The following NUP93 variants were observed in gnomAD, a reference collection of about 807,000 sequenced individuals.
NUP93 encodes nuclear pore complex protein Nup93.
NUP93 carries 55 observed loss-of-function variants against 107.8 expected under a neutral mutation model. The ratio of observed to expected loss-of-function variants is 0.51; its 90% CI spans 0.41 to 0.64. The LOEUF is 0.64. Among genes scored for constraint, NUP93 ranks in the 30% least tolerant of loss-of-function variants. NUP93 has a pLI of 0.00. For synonymous variants in NUP93, 390 were observed against 397.5 expected (o/e 0.98, Z 0.22); for missense variants, 937 against 1,044.7 (o/e 0.90, Z 1.42).
In NUP93 at chr16:56,759,357, G is replaced by T. The variant is rs548521318; in HGVS notation, c.297+702G>T. On this transcript the variant is annotated intron_variant, in intron 3 of 21. Coordinates refer to ENST00000308159, the MANE Select transcript of NUP93 (RefSeq NM_014669.5). ...ATCATTGATTTACCTGAAAATGAGA[G>T]GATGCCTTCTGCAGAGGCAAATTCT... Among the ~76,000 whole-genome samples the T allele has an allele frequency of 5.9e-5, 9 of 152,328 alleles. No homozygotes were observed. In the South Asian group the frequency reaches 1.9e-3, roughly 32 times the overall value.
In NUP93 at chr16:56,751,718, A is replaced by T. The variant is rs542645673; in HGVS notation, c.179+3292A>T. ...GTGAGACTTGAACCCAGGCCTCCTG[A>T]CATTTTATATGCTTCCCATGTATGC... On this transcript the variant is annotated intron_variant, in intron 2 of 21. Transcript: ENST00000308159. 7.2e-5 allele frequency among the ~76,000 whole-genome samples: 11 copies of T among 152,288 alleles called. No homozygotes were observed. The South Asian group carries it at 1.9e-3, about 26-fold the overall frequency.
intron 3 of NUP93, among the ~76,000 whole-genome samples, chr16:56,777,181 A>G (rs1368191838): frequency 6.6e-6 from 1 of 152,170 alleles, no homozygotes; most frequent in Non-Finnish European, 1.5e-5. Context: ...TCCTCTTCCC[A>G]TTTTAGCCTC....
chr16:56,805,424 T>C, intron 4 of NUP93, 80 bp from the exon 5 acceptor site: 1 of 1,539,602 alleles, frequency 6.5e-7, no homozygotes. Flanking sequence ...TCTGGAGGGC[T>C]TTAGGTTTCT....
intron 3 of NUP93, among the ~76,000 whole-genome samples, chr16:56,791,597 G>A (rs1962764210): frequency 6.6e-6 from 1 of 152,208 alleles, no homozygotes; most frequent in Admixed American, 6.5e-5. Flanking sequence ...CTGAAACCCA[G>A]AGTTTGCATG....
At chr16:56,769,828 C>T (rs1275817991) in intron 3 of NUP93, among the ~76,000 whole-genome samples, 4 of 152,178 alleles carry the variant, frequency 2.6e-5, no homozygotes, top group Non-Finnish European at 5.9e-5. Flanking sequence ...AGGTTTAATG[C>T]AAACCCATTT....
rs749545303 is a variant in NUP93, at chr16:56,818,755, G to C, written c.564+17G>C. The C allele has an allele frequency of 5.6e-6, 9 of 1,610,104 alleles. No homozygotes were observed. The highest frequency in any genetic ancestry group is 6.8e-6 in the Non-Finnish European group (8 of 1,176,672). ...GCGCGGCAAGTGAGTGTGATTTTAAGGGGGATTAAGCCAGGAAAATCCTTT... is the reference window on the plus strand; with the variant it reads ...GCGCGGCAAGTGAGTGTGATTTTAACGGGGATTAAGCCAGGAAAATCCTTT... On this transcript the variant is annotated intron_variant, in intron 6 of 21. Transcript: ENST00000308159.
chr16:56,781,442 A>G (rs1320331577), intron 3 of NUP93, among the ~76,000 whole-genome samples: 5 of 152,192 alleles, frequency 3.3e-5, no homozygotes, highest in African/African-American at 9.6e-5. Context: ...GTATCTACAC[A>G]TACTGTAGAC....
chr16:56,813,836 T>A lies in NUP93; in HGVS notation c.490-4828T>A, dbSNP rs1035163590. Among the ~76,000 whole-genome samples the A allele has an allele frequency of 2.0e-5, 3 of 152,342 alleles. No homozygotes were observed. In the South Asian group the frequency reaches 6.2e-4, roughly 32 times the overall value. ...ATAGGTGTCTGTCGTTTTTTAGTAGTTCTAATAGTGTTCCAGCCTATGTGT... is the reference window on the plus strand; with the variant it reads ...ATAGGTGTCTGTCGTTTTTTAGTAGATCTAATAGTGTTCCAGCCTATGTGT... On this transcript the variant is annotated intron_variant, in intron 5 of 21. Coordinates refer to ENST00000308159, the MANE Select transcript of NUP93 (RefSeq NM_014669.5).
chr16:56,827,779 G>A (rs1963698677), intron 8 of NUP93, among the ~76,000 whole-genome samples: 1 of 152,190 alleles, frequency 6.6e-6, no homozygotes. Flanking sequence ...GAGATTGAGG[G>A]GGGAAGATTG....
At position 56,821,561 on chromosome 16, in the gene NUP93, C is replaced by G. The variant is rs146924670; in HGVS notation, c.622C>G (p.Leu208Val). 8 of 1,613,086 alleles carry G rather than the reference C, an allele frequency of 5.0e-6. No individual in the cohort carries two copies. The highest frequency in any genetic ancestry group is 5.1e-6 in the Non-Finnish European group (6 of 1,179,372). ...NGHLQPNLVD[L>V]CASVAELDDK... ...ACACCTGCAGCCTAACCTGGTGGAC[C>G]TTTGTGCTTCCGTCGCAGAGCTCGA... Residue 208 changes from leucine to valine, a missense_variant, in exon 7 of 22, where the codon CTT becomes GTT. Physicochemically the swap from Leu to Val is conservative, Grantham distance 32. Transcript: ENST00000308159.
At chr16:56,785,912 A>G (rs1306298987) in intron 3 of NUP93, among the ~76,000 whole-genome samples, 1 of 152,232 alleles carries the variant, frequency 6.6e-6, no homozygotes, top group East Asian at 1.9e-4. Flanking sequence ...TACTTCTGAA[A>G]TGCCTTGCCT....
chr16:56,835,612 T>C (rs1275369358), intron 16 of NUP93, among the ~76,000 whole-genome samples: 1 of 152,190 alleles, frequency 6.6e-6, no homozygotes, highest in Admixed American at 6.5e-5. Context: ...GATAAGACCT[T>C]ATCCTCTGCT....
Position 56,735,516 on chromosome 16 carries a change from T to G in NUP93, c.-15+5305T>G, listed in dbSNP as rs559449185. On this transcript the variant is annotated intron_variant, in intron 1 of 21. Coordinates refer to ENST00000308159, the MANE Select transcript of NUP93 (RefSeq NM_014669.5). ...ATGGATCCCTGTGAATGGGAGCCAG[T>G]GAGGTTTTTTGAGCAGGGGCAACAG... Among the ~76,000 whole-genome samples, 4 of 152,288 alleles carry G rather than the reference T, an allele frequency of 2.6e-5. No homozygotes were observed. In the Middle Eastern group the frequency reaches 0.01, roughly 388 times the overall value.
intron 3 of NUP93, among the ~76,000 whole-genome samples, chr16:56,790,333 A>G (rs1375793117): frequency 6.6e-6 from 1 of 152,208 alleles, no homozygotes; most frequent in African/African-American, 2.4e-5. Context: ...GTTCACCCAA[A>G]TCTTGAAACT....
chr16:56,748,233 G>C lies in NUP93; in HGVS notation c.-14-1G>C, dbSNP rs2144456685. The C allele has an allele frequency of 6.3e-7, 1 of 1,578,320 alleles. No homozygotes were observed. The highest frequency in any genetic ancestry group is 8.6e-7 in the Non-Finnish European group (1 of 1,157,346). ...ATCTTTTCATTTTTTCTCCCATCTA[G>C]GATCTGCATCTCCAATGGATACTGA... is the stretch of plus-strand genomic sequence containing the variant. On this transcript the variant is annotated splice_acceptor_variant, in intron 1 of 21. Coordinates refer to ENST00000308159, the MANE Select transcript of NUP93 (RefSeq NM_014669.5). LOFTEE classifies it low-confidence loss of function (5UTR_SPLICE).
intron 3 of NUP93, among the ~76,000 whole-genome samples, chr16:56,760,629 GAGGAC>G (rs1962107801): frequency 6.6e-6 from 1 of 152,138 alleles, no homozygotes; most frequent in Non-Finnish European, 1.5e-5. Context: ...TCACTGTCAT[GAGGAC>G]AGCACCAAGA....
intron 7 of NUP93, among the ~76,000 whole-genome samples, chr16:56,823,118 A>G (rs1182669939): frequency 1.3e-5 from 2 of 152,220 alleles, no homozygotes; most frequent in Non-Finnish European, 2.9e-5. Context: ...GGTAACACAG[A>G]GGAAAGAACA....
chr16:56,821,129 G>C (rs1318287426), intron 6 of NUP93, among the ~76,000 whole-genome samples: 1 of 152,062 alleles, frequency 6.6e-6, no homozygotes, highest in Non-Finnish European at 1.5e-5. Flanking sequence ...CCTATACCAG[G>C]GCCATTCAGT....
At chr16:56,789,254 C>G (rs1388366447) in intron 3 of NUP93, among the ~76,000 whole-genome samples, 1 of 152,194 alleles carries the variant, frequency 6.6e-6, no homozygotes, top group African/African-American at 2.4e-5. Context: ...AGGCATTGCC[C>G]AGTGCCATGT....
Sources: gnomAD v4.1 joint callset for allele counts (sites outside exome capture counted in the v4.1 genomes callset) on GRCh38, gnomAD v4.1.1 for gene constraint, MANE v1.5 for transcripts, NCBI Gene and HGNC (gene_info 2026-07-23, HGNC 2026-07-21) for gene names.